PIAS1: variants seen among roughly 807,000 people sequenced by gnomAD.
PIAS1 encodes the protein E3 SUMO-protein ligase PIAS1.
In PIAS1, 6 loss-of-function variants were observed where a neutral mutation model predicts 71.3. That is an observed-to-expected ratio of 0.08 (90% CI 0.05 to 0.17). The LOEUF (loss-of-function observed/expected upper bound fraction) is 0.17, where lower values mean the gene tolerates loss of function less well. PIAS1 is among the 10% of genes least tolerant of loss of function. The probability of loss-of-function intolerance (pLI) is 1.00; values close to 1 mark genes in which losing one functional copy is unlikely to be tolerated. For missense variants in PIAS1, 555 were observed against 793.6 expected (o/e 0.70, Z 3.61); for synonymous variants, 303 against 292.9 (o/e 1.03, Z -0.35).
chr15:68,086,659 A>G lies in PIAS1; in HGVS notation c.378A>G (p.Thr126=), dbSNP rs2092285517. 6.2e-7 allele frequency: 1 copy of G among 1,613,196 alleles called. No individual in the cohort carries two copies. The highest frequency in any genetic ancestry group is 8.5e-7 in the Non-Finnish European group (1 of 1,179,324). Residue 126 remains threonine (T), a synonymous_variant, in exon 2 of 14, where the codon ACA becomes ACG. Transcript: ENST00000249636. This position sits in a 1 kb window ranked among gnomAD's most constrained non-coding sequence, Gnocchi z 7.2. The part of the protein sequence containing the change: ...PKHELELPHL[T]SALHPVHPDI... Reference sequence around the variant, plus strand: ...ATGAACTGGAACTCCCACATCTTACATCAGCTCTTCACCCAGTCCATCCGG... The same window carrying G: ...ATGAACTGGAACTCCCACATCTTACGTCAGCTCTTCACCCAGTCCATCCGG...
rs1306752715 is a variant in PIAS1 at position 68,186,840 on chromosome 15, G to C, written c.1663-702G>C. On this transcript the variant is annotated intron_variant, in intron 13 of 13. Transcript: ENST00000249636. This position sits in a 1 kb window ranked among gnomAD's most constrained non-coding sequence, Gnocchi z 4.4. ...TTTGTAGCCTGGGAGCAGTAGGCCA[G>C]ACCACACAGCCTAGGTGTGTAGCAG... is the stretch of plus-strand genomic sequence containing the variant. Among the ~76,000 whole-genome samples, 3 of 152,272 alleles carry C rather than the reference G, an allele frequency of 2.0e-5. No individual in the cohort carries two copies. The highest frequency in any genetic ancestry group is 7.2e-5 in the African/African-American group (3 of 41,468).
At chr15:68,153,860 T>C (rs1323401830) in intron 7 of PIAS1, 165 bp downstream of exon 7, 3 of 428,758 alleles carry the variant, frequency 7.0e-6, no homozygotes, top group Non-Finnish European at 1.2e-5. Flanking sequence ...TTATAATCTA[T>C]ATTTTACTAA....
Position 68,155,642 on chromosome 15 carries a change from C to T in PIAS1, c.934+1947C>T, listed in dbSNP as rs563494988. On this transcript the variant is annotated intron_variant, in intron 7 of 13. Transcript: ENST00000249636. The stretch of plus-strand genomic sequence containing the variant: ...AAAGTTTTAGTAGTCAAGCCAGACA[C>T]TCTTATGTTCTTGAAAGAATAAAGT... 2.6e-5 allele frequency among the ~76,000 whole-genome samples: 4 copies of T among 152,192 alleles called. No individual in the cohort carries two copies. The South Asian group carries it at 6.2e-4, about 24-fold the overall frequency.
intron 1 of PIAS1, among the ~76,000 whole-genome samples, chr15:68,077,533 A>G (rs1363445837): frequency 6.6e-6 from 1 of 152,214 alleles, no homozygotes; most frequent in Non-Finnish European, 1.5e-5. Flanking sequence ...GCTTTTCGCT[A>G]ATGTGGGCAG....
chr15:68,067,226 G>A (rs2092039169), intron 1 of PIAS1, among the ~76,000 whole-genome samples: 1 of 152,146 alleles, frequency 6.6e-6, no homozygotes. Flanking sequence ...TTTAGTTAGA[G>A]GAGACCTGAG....
Position 68,065,147 on chromosome 15 carries a change from A to T in PIAS1, c.24+10797A>T, listed in dbSNP as rs753164377. ...GACATAAAGTTTTTTTGCGGGGGGGATGGTCCTCCACTTTCAAGAGTCCCA... is the reference window on the plus strand; with the variant it reads ...GACATAAAGTTTTTTTGCGGGGGGGTTGGTCCTCCACTTTCAAGAGTCCCA... On this transcript the variant is annotated intron_variant, in intron 1 of 13. Coordinates refer to ENST00000249636, the MANE Select transcript of PIAS1 (RefSeq NM_016166.3). Among the ~76,000 whole-genome samples the T allele has an allele frequency of 5.9e-5, 9 of 151,748 alleles. No individual in the cohort carries two copies. The South Asian group carries it at 6.2e-4, about 10-fold the overall frequency.
At position 68,173,647 on chromosome 15, in the gene PIAS1, A is replaced by G; in HGVS notation, c.1009-85A>G. The G allele has an allele frequency of 1.2e-6, 1 of 855,458 alleles. No individual in the cohort carries two copies. Among genetic ancestry groups the G allele is most frequent in the Non-Finnish European group, 1.7e-6 (1 of 582,022 alleles). The allele number at this position is 855,458 out of a possible 1,614,324, so 53.0% of individuals were successfully genotyped here. On this transcript the variant is annotated intron_variant, in intron 8 of 13. Coordinates refer to ENST00000249636, the MANE Select transcript of PIAS1 (RefSeq NM_016166.3). The surrounding 1 kb of genome is among the most constrained non-coding windows in gnomAD (Gnocchi z 4.3). ...CTGTATGCTTTAAATCAGCATGCCT[A>G]CCTGTTGTGTTCTAGGAAATTTTTG... is the stretch of plus-strand genomic sequence containing the variant.
At chr15:68,153,891 A>T (rs1054181085) in intron 7 of PIAS1, 196 bp downstream of exon 7, 1 of 374,728 alleles carries the variant, frequency 2.7e-6, no homozygotes, top group Non-Finnish European at 4.8e-6. Context: ...AACTTTGTGA[A>T]GTCAGTGCAC....
At chr15:68,074,560 G>T (rs985278304) in intron 1 of PIAS1, among the ~76,000 whole-genome samples, 2 of 152,158 alleles carry the variant, frequency 1.3e-5, no homozygotes, top group Admixed American at 6.5e-5. Context: ...TCAAGGAATG[G>T]TATTAAGAAT....
At chr15:68,127,399 G>A (rs1349277345) in intron 2 of PIAS1, among the ~76,000 whole-genome samples, 1 of 152,138 alleles carries the variant, frequency 6.6e-6, no homozygotes, top group Non-Finnish European at 1.5e-5. Flanking sequence ...AGGTTTTCAA[G>A]AAATTCCCCT....
Position 68,187,967 on chromosome 15 carries a change from G to A in PIAS1, c.*132G>A. 1 of 768,710 alleles carries A rather than the reference G, an allele frequency of 1.3e-6. No homozygotes were observed. The allele number at this position is 768,710 out of a possible 1,614,324, so 47.6% of individuals were successfully genotyped here. A position where few individuals can be genotyped will look rare whatever the true frequency, so the allele number is the denominator to read the frequency against. On this transcript the variant is annotated 3_prime_UTR_variant, in exon 14 of 14. Coordinates refer to ENST00000249636, the MANE Select transcript of PIAS1 (RefSeq NM_016166.3). The surrounding 1 kb of genome is among the most constrained non-coding windows in gnomAD (Gnocchi z 5.3). Reference sequence around the variant, plus strand: ...AGCGTGTTTTTTTTCCTTTTTTTAGGGAAAAAATTAAAAGAAATGTACAGA... The same window carrying A: ...AGCGTGTTTTTTTTCCTTTTTTTAGAGAAAAAATTAAAAGAAATGTACAGA...
At chr15:68,103,488 C>T (rs2092445616) in intron 2 of PIAS1, among the ~76,000 whole-genome samples, 1 of 151,834 alleles carries the variant, frequency 6.6e-6, no homozygotes, top group Non-Finnish European at 1.5e-5. Context: ...AAATATATTC[C>T]TTTAAAGTGT....
Position 68,191,515 on chromosome 15 carries a change from T to C in PIAS1, c.*3680T>C, listed in dbSNP as rs1171652572. The C allele has an allele frequency of 2.6e-5, 4 of 152,672 alleles. No homozygotes were observed. The highest frequency in any genetic ancestry group is 4.4e-5 in the Non-Finnish European group (3 of 68,044). The allele number at this position is 152,672 out of a possible 1,614,324, so 9.5% of individuals were successfully genotyped here. A position where few individuals can be genotyped will look rare whatever the true frequency, so the allele number is the denominator to read the frequency against. ...TGGATGTTCAAGGGGACAATCCCTA[T>C]GAGACAAGTGATAATGGTTTGTGCT... On this transcript the variant is annotated 3_prime_UTR_variant, in exon 14 of 14. Coordinates refer to ENST00000249636, the MANE Select transcript of PIAS1 (RefSeq NM_016166.3).
At chr15:68,119,237 CA>C (rs60879036) in intron 2 of PIAS1, among the ~76,000 whole-genome samples, 33 of 27,408 alleles carry the variant, frequency 1.2e-3, no homozygotes, top group African/African-American at 4.3e-3. Flanking sequence ...CCATCTCTAC[CA>C]AAAAAAAAAA....
chr15:68,143,280 G>A (rs978244020), intron 4 of PIAS1, among the ~76,000 whole-genome samples: 2 of 152,030 alleles, frequency 1.3e-5, no homozygotes, highest in African/African-American at 4.8e-5. Context: ...TAAGTTGTAT[G>A]TACAAGTTAC....
chr15:68,108,239 A>G (rs1371585763), intron 2 of PIAS1, among the ~76,000 whole-genome samples: 1 of 152,104 alleles, frequency 6.6e-6, no homozygotes. Flanking sequence ...TACTCCAGTC[A>G]TGCTTTTGCT....
chr15:68,111,431 G>A (rs1444470458), intron 2 of PIAS1, among the ~76,000 whole-genome samples: 1 of 152,146 alleles, frequency 6.6e-6, no homozygotes, highest in African/African-American at 2.4e-5. Context: ...ACTGGTGCCT[G>A]AATAAGCAGT....
chr15:68,065,796 A>C (rs958632797), intron 1 of PIAS1, among the ~76,000 whole-genome samples: 1 of 129,926 alleles, frequency 7.7e-6, no homozygotes, highest in Non-Finnish European at 1.6e-5. Context: ...GCTGGAGTGC[A>C]GTGGTATGAT....
chr15:68,147,502 CTTTTAT>C (rs1262101690), intron 6 of PIAS1, among the ~76,000 whole-genome samples: 1 of 151,608 alleles, frequency 6.6e-6, no homozygotes, highest in Non-Finnish European at 1.5e-5. Context: ...GTTTGTTGGC[CTTTTAT>C]TTTTATGTTA....
Sources: gnomAD v4.1 joint callset for allele counts (sites outside exome capture counted in the v4.1 genomes callset) on GRCh38, gnomAD v4.1.1 for gene constraint, Gnocchi (gnomAD v3.1) non-coding constraint, MANE v1.5 for transcripts, NCBI Gene and HGNC (gene_info 2026-07-23, HGNC 2026-07-21) for gene names.